Variants in SLK observed in about 807,000 individuals in gnomAD.
SLK encodes STE20-like serine/threonine-protein kinase.
A neutral mutation model predicts 147.7 loss-of-function variants in SLK; 67 were observed. The ratio of observed to expected loss-of-function variants is 0.45; its 90% CI spans 0.37 to 0.56. The LOEUF is 0.56. Among genes scored for constraint, SLK ranks in the 20% least tolerant of loss-of-function variants. The pLI is 0.00. For synonymous variants in SLK, 441 were observed against 475.0 expected, an observed-to-expected ratio of 0.93 and a Z score of 0.93; for missense variants, 1,136 against 1,438.8, an observed-to-expected ratio of 0.79 and a Z score of 3.41.
chr10:104,018,563 G>A (rs868388242), intron 14 of SLK, among the ~76,000 whole-genome samples: 12 of 151,940 alleles, frequency 7.9e-5, no homozygotes, highest in Non-Finnish European at 2.9e-5. Flanking sequence ...TTTGGTGTTC[G>A]GAGTAGGACA....
chr10:104,018,841 T>A lies in SLK; in HGVS notation c.3065T>A (p.Leu1022Gln). 6.2e-7 allele frequency: 1 copy of A among 1,613,452 alleles called. No individual in the cohort carries two copies. Among genetic ancestry groups the A allele is most frequent in the Non-Finnish European group, 8.5e-7 (1 of 1,179,804 alleles). The change falls in exon 15 of 19, where the codon CTG (leucine) becomes CAG (glutamine). Residue 1022 changes from leucine (L) to glutamine (Q), a missense_variant. Transcript: ENST00000369755. ...EERHLQEKHQ[L>Q]LKQQLKDQYF... ...CGACACTTACAAGAAAAACACCAGC[T>A]GCTCAAACAGCAGCTTAAAGATCAG...
Position 103,967,824 on chromosome 10 carries a change from G to A in SLK, c.79G>A (p.Asp27Asn). Residue 27 changes from aspartate to asparagine, a missense_variant, in exon 1 of 19, where the codon GAC becomes AAC. By Grantham distance (23) the Asp-to-Asn change is conservative. Transcript: ENST00000369755. ...GAAGCAGTACGAACACGTGAAGAGG[G>A]ACCTGAACCCCGAAGACTTTTGGGA... Reference protein sequence around the residue: ...KKKQYEHVKRDLNPEDFWEII... With the variant: ...KKKQYEHVKRNLNPEDFWEII... 1.2e-6 allele frequency: 2 copies of A among 1,614,196 alleles called. No homozygotes were observed. Among genetic ancestry groups the A allele is most frequent in the East Asian group, 4.5e-5 (2 of 44,886 alleles).
chr10:103,982,802 C>A (rs1277556295), intron 1 of SLK, among the ~76,000 whole-genome samples: 2 of 152,230 alleles, frequency 1.3e-5, no homozygotes, highest in African/African-American at 4.8e-5. Flanking sequence ...GCCTTGATTT[C>A]ACCTCTCATG....
Position 104,013,046 on chromosome 10 carries a change from A to T in SLK, c.2877+2138A>T, listed in dbSNP as rs542334766. ...GTATTTTCTGAGTAGAGCTGAAAGT[A>T]ATCATAAATTCCTTCAGTAAATCTA... On this transcript the variant is annotated intron_variant, in intron 13 of 18. Coordinates refer to ENST00000369755, the MANE Select transcript of SLK (RefSeq NM_014720.4). Among the ~76,000 whole-genome samples, 4 of 152,370 alleles carry T rather than the reference A, an allele frequency of 2.6e-5. No individual in the cohort carries two copies. In the East Asian group the frequency reaches 7.7e-4, roughly 29 times the overall value.
intron 1 of SLK, 114 bp downstream of exon 1, chr10:103,968,009 C>G: frequency 3.7e-6 from 4 of 1,087,354 alleles, no homozygotes; most frequent in Non-Finnish European, 5.3e-6. Flanking sequence ...TTGACTGTTA[C>G]GGTTCGATGC....
At chr10:104,022,639 ACT>A (rs1844550346) in intron 18 of SLK, among the ~76,000 whole-genome samples, 1 of 152,060 alleles carries the variant, frequency 6.6e-6, no homozygotes, top group African/African-American at 2.4e-5. Flanking sequence ...ACAGAGTCTC[ACT>A]CTGTCGCCCA....
intron 9 of SLK, 120 bp from the exon 10 acceptor site, chr10:104,005,441 T>C: frequency 2.5e-6 from 2 of 804,362 alleles, no homozygotes; most frequent in Non-Finnish European, 3.8e-6. Flanking sequence ...CTATGTGTAG[T>C]CTGCATGGCT....
intron 4 of SLK, among the ~76,000 whole-genome samples, chr10:103,995,761 T>C (rs149861714): frequency 7.7e-4 from 117 of 152,238 alleles, no homozygotes; most frequent in Admixed American, 1.4e-3. Context: ...CTGGTTTCTT[T>C]TAGTAGAATA....
chr10:103,990,667 AT>A lies in SLK; in HGVS notation c.151-4del. ...GAAATGTGACACTTCTGATACTTTC[AT>A]TTTCAGGCCCAGAATAAAGAGACCA... On this transcript the variant is annotated splice_polypyrimidine_tract_variant and splice_region_variant and intron_variant, in intron 1 of 18. Transcript: ENST00000369755. 6.6e-7 allele frequency: 1 copy of A among 1,520,426 alleles called. No individual in the cohort carries two copies. Among genetic ancestry groups the A allele is most frequent in the South Asian group, 1.4e-5 (1 of 73,538 alleles). 94.2% of individuals were successfully genotyped at this position (1,520,426 alleles called of 1,614,324 possible).
chr10:104,025,744 G>C lies in SLK; in HGVS notation c.*24G>C, dbSNP rs184996484. ...AACAAAGGGAAGCATTCTGTGCGTG[G>C]GTTTGGCTCTTTCAGTATGTCATTC... On this transcript the variant is annotated 3_prime_UTR_variant, in exon 19 of 19. Transcript: ENST00000369755. The C allele has an allele frequency of 6.2e-7, 1 of 1,609,656 alleles. No individual in the cohort carries two copies.
Position 104,027,297 on chromosome 10 carries a change from T to C in SLK, c.*1577T>C, listed in dbSNP as rs2134547183. ...GTGTGATTTGAATTTTATAATTGTT[T>C]TGACAAGCATAATTTACTTGGACAA... is the stretch of plus-strand genomic sequence containing the variant. On this transcript the variant is annotated 3_prime_UTR_variant, in exon 19 of 19. Coordinates refer to ENST00000369755, the MANE Select transcript of SLK (RefSeq NM_014720.4). 6.5e-6 allele frequency: 1 copy of C among 152,726 alleles called. No homozygotes were observed. The highest frequency in any genetic ancestry group is 6.5e-5 in the Admixed American group (1 of 15,304). 9.5% of individuals were successfully genotyped at this position (152,726 alleles called of 1,614,324 possible).
chr10:104,019,796 T>A lies in SLK; in HGVS notation c.3195T>A (p.Thr1065=), dbSNP rs760378048. The change falls in exon 16 of 19, where the codon ACT becomes ACA. Residue 1065 remains threonine (T), a synonymous_variant. Coordinates refer to ENST00000369755, the MANE Select transcript of SLK (RefSeq NM_014720.4). The part of the protein sequence containing the change: ...RLIEELKNRQ[T]QERARLPKIQ... ...TTGAGGAATTGAAAAACAGACAGAC[T>A]CAAGAAAGAGCAAGACTGCCCAAGA... 3 of 1,613,890 alleles carry A rather than the reference T, an allele frequency of 1.9e-6. No homozygotes were observed. The highest frequency in any genetic ancestry group is 2.5e-6 in the Non-Finnish European group (3 of 1,179,856).
intron 13 of SLK, among the ~76,000 whole-genome samples, chr10:104,011,577 G>A (rs1464202413): frequency 7.5e-6 from 1 of 133,526 alleles, no homozygotes; most frequent in Non-Finnish European, 1.6e-5. Flanking sequence ...TTTTTTTTTT[G>A]GTGAATTGGA....
chr10:104,009,869 TG>T (rs986426808), intron 12 of SLK, among the ~76,000 whole-genome samples: 2 of 152,234 alleles, frequency 1.3e-5, no homozygotes, highest in Non-Finnish European at 2.9e-5. Context: ...GGATTACTGA[TG>T]GGAAATTTTA....
At chr10:103,999,353 A>T in intron 6 of SLK, 40 bp downstream of exon 6, 1 of 1,413,120 alleles carries the variant, frequency 7.1e-7, no homozygotes, top group African/African-American at 1.4e-5. Flanking sequence ...GAAACAAATG[A>T]TACTAGGAAG....
chr10:104,011,610 G>C (rs984991408), intron 13 of SLK, among the ~76,000 whole-genome samples: 3 of 151,790 alleles, frequency 2.0e-5, no homozygotes, highest in Admixed American at 2.0e-4. Context: ...CTCCAGGCTG[G>C]AGTGCAGTGG....
intron 1 of SLK, among the ~76,000 whole-genome samples, chr10:103,971,241 T>G (rs1224855436): frequency 1.5e-5 from 2 of 132,604 alleles, no homozygotes; most frequent in African/African-American, 5.6e-5. Flanking sequence ...ATTTTATCTT[T>G]GGGTTTCTCT....
At chr10:103,969,726 G>A (rs1045600137) in intron 1 of SLK, among the ~76,000 whole-genome samples, 2 of 152,202 alleles carry the variant, frequency 1.3e-5, no homozygotes, top group Non-Finnish European at 2.9e-5. Context: ...CAAGAGTTGT[G>A]TTTTAGTGCT....
chr10:104,007,837 A>G (rs1297695846), intron 11 of SLK, among the ~76,000 whole-genome samples: 1 of 151,878 alleles, frequency 6.6e-6, no homozygotes, highest in Non-Finnish European at 1.5e-5. Flanking sequence ...CTGTAGTCCC[A>G]GCTACTTGGG....
Sources: allele counts gnomAD v4.1 joint callset (sites outside exome capture counted in the v4.1 genomes callset), GRCh38; gene constraint gnomAD v4.1.1; transcripts MANE v1.5; gene names NCBI Gene and HGNC (gene_info 2026-07-23, HGNC 2026-07-21).